The following PHF21A variants were observed in gnomAD, a reference collection of about 807,000 sequenced individuals.
PHF21A encodes BHC80a.
PHF21A carries 11 observed loss-of-function variants against 82.5 expected under a neutral mutation model. The ratio of observed to expected loss-of-function variants is 0.13; its 90% CI spans 0.08 to 0.22. The LOEUF is 0.22. Among genes scored for constraint, PHF21A ranks in the 10% least tolerant of loss-of-function variants. The pLI is 1.00. For missense variants in PHF21A, 579 were observed against 837.8 expected, an observed-to-expected ratio of 0.69 and a Z score of 3.81; for synonymous variants, 297 against 302.8, an observed-to-expected ratio of 0.98 and a Z score of 0.20.
intron 6 of PHF21A, among the ~76,000 whole-genome samples, chr11:46,042,168 T>C (rs1423451241): frequency 2.0e-5 from 3 of 152,134 alleles, no homozygotes; most frequent in East Asian, 3.8e-4. Context: ...CAACTTAATA[T>C]AATAAATATT....
At chr11:46,069,854 T>G (rs2096636203) in intron 6 of PHF21A, among the ~76,000 whole-genome samples, 1 of 152,178 alleles carries the variant, frequency 6.6e-6, no homozygotes, top group Non-Finnish European at 1.5e-5. Flanking sequence ...AAGATGAAAG[T>G]GTTACATATG....
At chr11:45,986,536 G>A (rs2094496983) in intron 6 of PHF21A, among the ~76,000 whole-genome samples, 1 of 152,172 alleles carries the variant, frequency 6.6e-6, no homozygotes, top group South Asian at 2.1e-4. Context: ...ATCGAACAAT[G>A]CATACTAGGA....
At chr11:45,957,943 T>C (rs1346649768) in intron 10 of PHF21A, among the ~76,000 whole-genome samples, 3 of 151,752 alleles carry the variant, frequency 2.0e-5, no homozygotes, top group Admixed American at 6.6e-5. Context: ...ACTGAGGACA[T>C]TACATCTCAC....
At chr11:46,070,888 T>C (rs2096649273) in intron 6 of PHF21A, among the ~76,000 whole-genome samples, 2 of 152,182 alleles carry the variant, frequency 1.3e-5, no homozygotes, top group Non-Finnish European at 2.9e-5. Context: ...ATTAGCAGAG[T>C]GCTTTTTTCC....
chr11:46,004,183 G>A (rs2095232173), intron 6 of PHF21A, among the ~76,000 whole-genome samples: 1 of 151,966 alleles, frequency 6.6e-6, no homozygotes, highest in South Asian at 2.1e-4. Context: ...ATTTTCCATA[G>A]ATTCTTAAAA....
At chr11:45,944,386 T>C (rs1182652155) in intron 15 of PHF21A, among the ~76,000 whole-genome samples, 4 of 152,234 alleles carry the variant, frequency 2.6e-5, no homozygotes, top group Admixed American at 6.5e-5. Context: ...AGGATATACA[T>C]TGGTTCTTTG....
At chr11:45,969,670 T>C (rs1473972910) in intron 9 of PHF21A, 145 bp downstream of exon 9, 2 of 595,638 alleles carry the variant, frequency 3.4e-6, no homozygotes, top group South Asian at 2.4e-5. Flanking sequence ...AACTTCTTCA[T>C]AGTACAGAAA....
intron 13 of PHF21A, 90 bp from the exon 14 acceptor site, chr11:45,949,036 G>T: frequency 1.0e-6 from 1 of 985,966 alleles, no homozygotes; most frequent in Non-Finnish European, 1.6e-6. Context: ...TGGCATGACT[G>T]TCAACATGCC....
intron 6 of PHF21A, among the ~76,000 whole-genome samples, chr11:46,075,680 T>A (rs548338163): frequency 6.6e-6 from 1 of 152,314 alleles, no homozygotes; most frequent in East Asian, 1.9e-4. Context: ...GAGGGAAGAA[T>A]ATAAAGCAGT....
At chr11:46,097,649 C>T (rs913361392) in intron 1 of PHF21A, among the ~76,000 whole-genome samples, 10 of 152,172 alleles carry the variant, frequency 6.6e-5, no homozygotes, top group Non-Finnish European at 1.5e-4. Flanking sequence ...CTCACCCACA[C>T]ACTAGGGTCC....
At chr11:45,976,684 A>T (rs945596312) in intron 7 of PHF21A, among the ~76,000 whole-genome samples, 8 of 152,178 alleles carry the variant, frequency 5.3e-5, no homozygotes, top group African/African-American at 1.9e-4. Flanking sequence ...TCTACAAAAA[A>T]TACAAAAATT....
At chr11:46,017,418 C>G (rs1238934011) in intron 6 of PHF21A, among the ~76,000 whole-genome samples, 1 of 152,182 alleles carries the variant, frequency 6.6e-6, no homozygotes, top group Non-Finnish European at 1.5e-5. Flanking sequence ...CTGTAAACTA[C>G]TCTTTGCAAA....
intron 3 of PHF21A, among the ~76,000 whole-genome samples, chr11:46,088,442 T>G (rs1240562402): frequency 7.1e-6 from 1 of 141,422 alleles, no homozygotes; most frequent in African/African-American, 2.7e-5. Context: ...CAACAAAACA[T>G]AAAAACCAAA....
intron 3 of PHF21A, among the ~76,000 whole-genome samples, chr11:46,089,068 A>G (rs187844519): frequency 6.6e-6 from 1 of 152,162 alleles, no homozygotes; most frequent in Non-Finnish European, 1.5e-5. Flanking sequence ...TGTCCCTAAA[A>G]AGGACAACTC....
At position 46,104,519 on chromosome 11, in the gene PHF21A, G is replaced by C. The variant is rs147856081; in HGVS notation, c.-236-12296C>G. ...TCCCATGTATTTTCTATTTTTCCCA[G>C]AGGTATTCACAAATAAGAACTCATT... On this transcript the variant is annotated intron_variant, in intron 1 of 18. Transcript: ENST00000676320. Among the ~76,000 whole-genome samples, 303 of 152,176 alleles carry C rather than the reference G, an allele frequency of 2.0e-3. 1 individual carries two copies. Among genetic ancestry groups the C allele is most frequent in the African/African-American group, 6.8e-3 (283 of 41,510 alleles).
At chr11:46,014,058 A>T (rs1387941477) in intron 6 of PHF21A, among the ~76,000 whole-genome samples, 2 of 152,190 alleles carry the variant, frequency 1.3e-5, no homozygotes, top group African/African-American at 2.4e-5. Context: ...CAGGTTTCTT[A>T]TAACAGCATA....
intron 15 of PHF21A, among the ~76,000 whole-genome samples, chr11:45,942,888 G>A (rs2090609205): frequency 6.6e-6 from 1 of 152,152 alleles, no homozygotes; most frequent in South Asian, 2.1e-4. Context: ...ACTGGAACAT[G>A]TGTGAAATGA....
intron 6 of PHF21A, among the ~76,000 whole-genome samples, chr11:46,023,229 G>C (rs574561767): frequency 2.7e-4 from 41 of 152,354 alleles, no homozygotes; most frequent in African/African-American, 9.6e-4. Context: ...TTAAGTGTAA[G>C]CAATGGTTTC....
chr11:46,043,159 A>T (rs549009580), intron 6 of PHF21A, among the ~76,000 whole-genome samples: 29 of 152,296 alleles, frequency 1.9e-4, no homozygotes, highest in Admixed American at 5.2e-4. Flanking sequence ...AGAGGTAAGA[A>T]ATTCAATCAA....
Sources: allele counts gnomAD v4.1 joint callset (sites outside exome capture counted in the v4.1 genomes callset), GRCh38; gene constraint gnomAD v4.1.1; transcripts MANE v1.5; gene names NCBI Gene and HGNC (gene_info 2026-07-23, HGNC 2026-07-21).